Variants in RD3 observed in about 807,000 individuals in gnomAD.
The protein encoded by RD3 is protein RD3.
Under a neutral mutation model 16.9 loss-of-function variants are expected in RD3, and 11 were observed. The observed-to-expected ratio is 0.65, with a 90% CI of 0.41 to 1.08. The LOEUF is 1.08. RD3 is among the 50% of genes least tolerant of loss of function. The probability of loss-of-function intolerance (pLI) is 0.00; values close to 1 mark genes in which losing one functional copy is unlikely to be tolerated. For missense variants in RD3, 274 were observed against 267.4 expected, an observed-to-expected ratio of 1.02 and a Z score of -0.17; for synonymous variants, 116 against 114.8, an observed-to-expected ratio of 1.01 and a Z score of -0.07.
At chr1:211,481,536 C>T in intron 1 of RD3, 110 bp from the exon 2 acceptor site, 1 of 941,596 alleles carries the variant, frequency 1.1e-6, no homozygotes, top group South Asian at 1.5e-5. Flanking sequence ...GGAGAGAAGA[C>T]CTGCTCTGCC....
rs879847361 is a variant in RD3, at chr1:211,492,051, GTGTGTGT to G, written c.-302_-296del. The G allele has an allele frequency of 0.17, 2,865 of 16,646 alleles. 45 individuals are homozygous for G. The highest frequency in any genetic ancestry group is 0.24 in the Admixed American group (351 of 1,488). The allele number at this position is 16,646 out of a possible 1,614,324, so 1.0% of individuals were successfully genotyped here. ...ACTATTGTTTGTGGGGTGTGTAGGT[GTGTGTGT>G]GTGTGTGTGTGTGTGTGTGTGTGTG... is the stretch of plus-strand genomic sequence containing the variant. On this transcript the variant is annotated 5_prime_UTR_variant, in exon 1 of 3. An upstream open reading frame in the 5' UTR gains an earlier in-frame stop. Coordinates refer to ENST00000680073, the MANE Select transcript of RD3 (RefSeq NM_001164688.2).
intron 1 of RD3, among the ~76,000 whole-genome samples, chr1:211,485,726 C>T (rs573699395): frequency 4.6e-5 from 7 of 152,336 alleles, no homozygotes; most frequent in South Asian, 2.1e-4. Flanking sequence ...CCAAGGCCCC[C>T]GCACTTGGCT....
At chr1:211,487,062 G>A (rs565060959) in intron 1 of RD3, among the ~76,000 whole-genome samples, 5 of 152,270 alleles carry the variant, frequency 3.3e-5, no homozygotes, top group African/African-American at 1.2e-4. Flanking sequence ...AGCTGAAGAA[G>A]CCTCGTGGTC....
chr1:211,478,191 C>T lies in RD3; in HGVS notation c.*845G>A, dbSNP rs561278419. The T allele has an allele frequency of 3.3e-5, 13 of 398,608 alleles. No individual in the cohort carries two copies. The highest frequency in any genetic ancestry group is 6.3e-4 in the Middle Eastern group (1 of 1,588). The allele number at this position is 398,608 out of a possible 1,614,324, so 24.7% of individuals were successfully genotyped here. Reference sequence around the variant, plus strand: ...CTGGAAGAAGCTGTTAGGGACTGGCCACAGCCCATGCGATGACATTGTGGC... The same window carrying T: ...CTGGAAGAAGCTGTTAGGGACTGGCTACAGCCCATGCGATGACATTGTGGC... On this transcript the variant is annotated 3_prime_UTR_variant, in exon 3 of 3. Transcript: ENST00000680073.
At chr1:211,481,077 C>T (rs780977148) in intron 2 of RD3, 43 bp downstream of exon 2, 1 of 1,606,302 alleles carries the variant, frequency 6.2e-7, no homozygotes, top group East Asian at 2.2e-5. Context: ...GCCACCTTTC[C>T]TGGAGCCTGC....
intron 1 of RD3, among the ~76,000 whole-genome samples, chr1:211,491,234 C>T (rs1219105861): frequency 1.3e-5 from 2 of 152,240 alleles, no homozygotes; most frequent in Non-Finnish European, 2.9e-5. Flanking sequence ...GATGCACAGA[C>T]TGCTCCATGT....
chr1:211,479,607 A>G (rs1254821514), intron 2 of RD3, among the ~76,000 whole-genome samples: 1 of 152,214 alleles, frequency 6.6e-6, no homozygotes, highest in Non-Finnish European at 1.5e-5. Context: ...GAACTAAGAT[A>G]TGTAAAGATC....
chr1:211,478,889 A>G lies in RD3; in HGVS notation c.*147T>C, dbSNP rs1705203218. The G allele has an allele frequency of 1.6e-5, 11 of 706,814 alleles. No homozygotes were observed. The South Asian group carries it at 2.0e-4, about 13-fold the overall frequency. 43.8% of individuals were successfully genotyped at this position (706,814 alleles called of 1,614,324 possible). ...AGAGGATGGGGCAGGGAGTCGCTTC[A>G]TTTTATAGCAGCGTCTTGGGATGGG... On this transcript the variant is annotated 3_prime_UTR_variant, in exon 3 of 3. Coordinates refer to ENST00000680073, the MANE Select transcript of RD3 (RefSeq NM_001164688.2).
Position 211,478,939 on chromosome 1 carries a change from G to A in RD3, c.*97C>T. On this transcript the variant is annotated 3_prime_UTR_variant, in exon 3 of 3. Coordinates refer to ENST00000680073, the MANE Select transcript of RD3 (RefSeq NM_001164688.2). ...GGCCGCCTCTTGGGTCTCCTCGTCA[G>A]GCCTAGGTGGGGAGGTTCCAGGGCC... 1 of 1,207,640 alleles carries A rather than the reference G, an allele frequency of 8.3e-7. No homozygotes were observed. 74.8% of individuals were successfully genotyped at this position (1,207,640 alleles called of 1,614,324 possible). A position where few individuals can be genotyped will look rare whatever the true frequency, so the allele number is the denominator to read the frequency against.
Position 211,478,700 on chromosome 1 carries a change from A to C in RD3, c.*336T>G. 1 of 313,792 alleles carries C rather than the reference A, an allele frequency of 3.2e-6. No homozygotes were observed. Among genetic ancestry groups the C allele is most frequent in the East Asian group, 5.3e-5 (1 of 18,890 alleles). The allele number at this position is 313,792 out of a possible 1,614,324, so 19.4% of individuals were successfully genotyped here. A position where few individuals can be genotyped will look rare whatever the true frequency, so the allele number is the denominator to read the frequency against. ...CTAGGTCTTGCCAAAAGGCAGGGCAACTGTCCCCTTTTAGACAGAACCAGG... is the reference window on the plus strand; with the variant it reads ...CTAGGTCTTGCCAAAAGGCAGGGCACCTGTCCCCTTTTAGACAGAACCAGG... On this transcript the variant is annotated 3_prime_UTR_variant, in exon 3 of 3. Transcript: ENST00000680073.
At chr1:211,488,860 C>A (rs1277461850) in intron 1 of RD3, among the ~76,000 whole-genome samples, 5 of 152,168 alleles carry the variant, frequency 3.3e-5, no homozygotes, top group Admixed American at 3.3e-4. Context: ...CCCACTCTCA[C>A]CCCCACTCAC....
chr1:211,482,578 A>G (rs1232836490), intron 1 of RD3, among the ~76,000 whole-genome samples: 1 of 151,888 alleles, frequency 6.6e-6, no homozygotes, highest in Admixed American at 6.5e-5. Context: ...CCATAGAACA[A>G]GGTGAGACAG....
intron 1 of RD3, among the ~76,000 whole-genome samples, chr1:211,489,492 T>C (rs1260882314): frequency 6.6e-6 from 1 of 152,020 alleles, no homozygotes; most frequent in East Asian, 1.9e-4. Flanking sequence ...TGGCATTTAT[T>C]AGACTTGCTA....
Position 211,479,035 on chromosome 1 carries a change from G to A in RD3, c.*1C>T, listed in dbSNP as rs967681688. On this transcript the variant is annotated 3_prime_UTR_variant, in exon 3 of 3. Transcript: ENST00000680073. ...GCTTCTGGGCAGGGAAGCGGCCGGGGTCAGTCGGCTTTGGGCGCCCGGAAT... is the reference window on the plus strand; with the variant it reads ...GCTTCTGGGCAGGGAAGCGGCCGGGATCAGTCGGCTTTGGGCGCCCGGAAT... 2 of 1,595,844 alleles carry A rather than the reference G, an allele frequency of 1.3e-6. No homozygotes were observed. Among genetic ancestry groups the A allele is most frequent in the African/African-American group, 1.3e-5 (1 of 74,742 alleles).
intron 1 of RD3, among the ~76,000 whole-genome samples, chr1:211,481,968 A>G (rs567178332): frequency 1.5e-3 from 222 of 152,360 alleles, no homozygotes; most frequent in African/African-American, 5.0e-3. Flanking sequence ...CACACCTGCA[A>G]TCCCAATACT....
chr1:211,485,404 G>T lies in RD3; in HGVS notation c.-11-3978C>A, dbSNP rs935813279. ...GGTGCTATTTCTGTCCCCAGTGCCA[G>T]CTGCTCCCCCAGAAGGCTCTTCAGT... On this transcript the variant is annotated intron_variant, in intron 1 of 2. Coordinates refer to ENST00000680073, the MANE Select transcript of RD3 (RefSeq NM_001164688.2). Among the ~76,000 whole-genome samples the T allele has an allele frequency of 2.0e-5, 3 of 152,186 alleles. No individual in the cohort carries two copies. In the South Asian group the frequency reaches 6.2e-4, roughly 32 times the overall value.
intron 2 of RD3, among the ~76,000 whole-genome samples, chr1:211,480,593 C>T (rs55761812): frequency 0.22 from 33,304 of 151,918 alleles, 3,946 homozygotes; most frequent in Non-Finnish European, 0.27. Context: ...ATTCAAGGAA[C>T]ATTGTTGTAC....
In RD3 at chr1:211,481,133, G is replaced by A. The variant is rs759162527; in HGVS notation, c.283C>T (p.Pro95Ser). The A allele has an allele frequency of 7.4e-6, 12 of 1,614,222 alleles. No individual in the cohort carries two copies. The East Asian group carries it at 2.2e-4, about 30-fold the overall frequency. The change falls in exon 2 of 3, where the codon CCT becomes TCT. Residue 95 changes from proline (P) to serine (S), a missense_variant. Physicochemically the swap from Pro to Ser is moderately conservative, Grantham distance 74 (BLOSUM62 -1). Coordinates refer to ENST00000680073, the MANE Select transcript of RD3 (RefSeq NM_001164688.2). ...CCCAGTGCTCACCTGAGGATAGCAG[G>A]CCCACAATAGGATGGGTGGATCTTA... ...CVKIHPSYCG[P>S]AILRFRQLLA...
chr1:211,480,328 G>A (rs148982551), intron 2 of RD3, among the ~76,000 whole-genome samples: 3 of 152,294 alleles, frequency 2.0e-5, no homozygotes, highest in Non-Finnish European at 2.9e-5. Context: ...AGGAGCTTTT[G>A]AAGGGAATTT....
Sources: allele counts gnomAD v4.1 joint callset (sites outside exome capture counted in the v4.1 genomes callset), GRCh38; gene constraint gnomAD v4.1.1; transcripts MANE v1.5; gene names NCBI Gene and HGNC (gene_info 2026-07-23, HGNC 2026-07-21).